The following ADCY10 variants were observed in gnomAD, a reference collection of about 807,000 sequenced individuals.
ADCY10 encodes adenylate cyclase 10.
In ADCY10, 156 loss-of-function variants were observed where a neutral mutation model predicts 183.3. That is an observed-to-expected ratio of 0.85 (90% CI 0.75 to 0.97). The LOEUF (loss-of-function observed/expected upper bound fraction) is 0.97, where lower values mean the gene tolerates loss of function less well. Among genes scored for constraint, ADCY10 ranks in the 50% least tolerant of loss-of-function variants. ADCY10 has a pLI of 0.00. For missense variants in ADCY10, 1,745 were observed against 1,934.3 expected, an observed-to-expected ratio of 0.90 and a Z score of 1.84; for synonymous variants, 645 against 670.0, an observed-to-expected ratio of 0.96 and a Z score of 0.58.
intron 30 of ADCY10, chr1:167,821,035 AC>A (rs1052868378): frequency 2.0e-5 from 3 of 152,220 alleles, no homozygotes; most frequent in African/African-American, 7.2e-5. Context: ...TAGTCTCATC[AC>A]AAACCTCTGA....
At chr1:167,856,768 T>C (rs1220599148) in intron 16 of ADCY10, among the ~76,000 whole-genome samples, 1 of 152,162 alleles carries the variant, frequency 6.6e-6, no homozygotes, top group Non-Finnish European at 1.5e-5. Flanking sequence ...AATAACTGGT[T>C]TGTTAATTAT....
chr1:167,829,142 C>G (rs1472170072), intron 26 of ADCY10, 125 bp downstream of exon 26: 1 of 1,153,826 alleles, frequency 8.7e-7, no homozygotes, highest in Non-Finnish European at 1.3e-6. Context: ...CTTGTCAAAA[C>G]AAGCCAATCA....
intron 9 of ADCY10, among the ~76,000 whole-genome samples, chr1:167,883,132 G>T (rs1363816208): frequency 1.3e-5 from 2 of 152,220 alleles, no homozygotes; most frequent in Non-Finnish European, 2.9e-5. Flanking sequence ...CCGCCTCTCA[G>T]GTTCAAGCCA....
In ADCY10 at chr1:167,836,466, T is replaced by A. The variant is rs375504301; in HGVS notation, c.3152A>T (p.Asp1051Val). 177 of 1,614,076 alleles carry A rather than the reference T, an allele frequency of 1.1e-4. No individual in the cohort carries two copies. The highest frequency in any genetic ancestry group is 1.4e-4 in the Non-Finnish European group (165 of 1,180,004). The change falls in exon 23 of 33, where the codon GAC (aspartate) becomes GTC (valine). Residue 1051 changes from aspartate to valine, a missense_variant. Coordinates refer to ENST00000367851, the MANE Select transcript of ADCY10 (RefSeq NM_018417.6). ...CTGGCAAGATTCCAGAGGGATAATG[T>A]CTTCGTCAGATGTCTTCATTTTTGT... ...VLTKMKTSDE[D>V]IIPLESCQCE...
At position 167,863,278 on chromosome 1, in the gene ADCY10, ATTGTATGGAAGGG is replaced by A. The variant is rs1666420280; in HGVS notation, c.1617-2228_1617-2216del. On this transcript the variant is annotated intron_variant, in intron 14 of 32. Transcript: ENST00000367851. ...CTGTTGTTATCTATAGATTCCAGAC[ATTGTATGGAAGGG>A]CATTGTATGGAAGGACATTGTGAAA... is the stretch of plus-strand genomic sequence containing the variant. Among the ~76,000 whole-genome samples the A allele has an allele frequency of 3.9e-5, 6 of 152,166 alleles. No homozygotes were observed. The South Asian group carries it at 6.2e-4, about 16-fold the overall frequency.
chr1:167,820,161 C>T, intron 30 of ADCY10: 1 of 1,544,602 alleles, frequency 6.5e-7, no homozygotes, highest in South Asian at 1.2e-5. Context: ...TCCTGCCCCG[C>T]AGATTCCCCG....
At position 167,835,543 on chromosome 1, in the gene ADCY10, C is replaced by A. The variant is rs149906231; in HGVS notation, c.3309+766G>T. ...TAATGGTATGTGTAATAATCTAGCA[C>A]ACATTGCATGATGACAAAGGCAGGG... On this transcript the variant is annotated intron_variant, in intron 23 of 32. Transcript: ENST00000367851. Among the ~76,000 whole-genome samples the A allele has an allele frequency of 3.7e-3, 557 of 152,268 alleles. 6 individuals are homozygous for A. The highest frequency in any genetic ancestry group is 0.013 in the African/African-American group (526 of 41,554).
At chr1:167,820,955 G>A (rs1260934159) in intron 30 of ADCY10, 1 of 152,186 alleles carries the variant, frequency 6.6e-6, no homozygotes, top group Non-Finnish European at 1.5e-5. Flanking sequence ...GGAAGGGGTG[G>A]ATTTCTATTC....
intron 9 of ADCY10, among the ~76,000 whole-genome samples, chr1:167,882,486 A>T (rs1318813940): frequency 1.7e-5 from 2 of 120,386 alleles, no homozygotes; most frequent in Non-Finnish European, 3.5e-5. Flanking sequence ...TTCCGTCTCA[A>T]AAAAAAAAAA....
At chr1:167,900,681 C>T (rs199512764) in intron 5 of ADCY10, among the ~76,000 whole-genome samples, 3 of 152,022 alleles carry the variant, frequency 2.0e-5, no homozygotes, top group East Asian at 1.9e-4. Flanking sequence ...TACAGGCACC[C>T]GCCATCACGC....
At chr1:167,858,811 A>G (rs1043088771) in intron 16 of ADCY10, among the ~76,000 whole-genome samples, 1 of 152,226 alleles carries the variant, frequency 6.6e-6, no homozygotes, top group Non-Finnish European at 1.5e-5. Context: ...TGTGATTTGC[A>G]TATACTCTGA....
rs180922775 is a variant in ADCY10, at chr1:167,812,492, A to G, written c.4483-1579T>C. ...GGCATAGAGACAGCCTACAACAATAAAAAACAAAAACAACAACAAAACCCA... is the reference window on the plus strand; with the variant it reads ...GGCATAGAGACAGCCTACAACAATAGAAAACAAAAACAACAACAAAACCCA... On this transcript the variant is annotated intron_variant, in intron 31 of 32. Transcript: ENST00000367851. Among the ~76,000 whole-genome samples, 387 of 152,336 alleles carry G rather than the reference A, an allele frequency of 2.5e-3. 2 individuals carry two copies. Among genetic ancestry groups the G allele is most frequent in the African/African-American group, 8.7e-3 (363 of 41,580 alleles).
chr1:167,897,997 C>CAAAAAAAAAAAAA (rs1163013935), intron 6 of ADCY10, among the ~76,000 whole-genome samples: 1 of 17,390 alleles, frequency 5.8e-5, no homozygotes, highest in East Asian at 3.6e-3. Flanking sequence ...GACTCTGTCT[C>CAAAAAAAAAAAAA]AAAAAAAAAA....
Position 167,876,401 on chromosome 1 carries a change from T to C in ADCY10, c.1407-1215A>G, listed in dbSNP as rs149317066. On this transcript the variant is annotated intron_variant, in intron 12 of 32. Transcript: ENST00000367851. ...ATCCAAACATAGGCCAGGGTGCATATGTTTGCTCACTCCATAACACTATCT... is the reference window on the plus strand; with the variant it reads ...ATCCAAACATAGGCCAGGGTGCATACGTTTGCTCACTCCATAACACTATCT... Among the ~76,000 whole-genome samples the C allele has an allele frequency of 8.2e-3, 1,249 of 152,222 alleles. 18 individuals carry two copies. Among genetic ancestry groups the C allele is most frequent in the African/African-American group, 0.028 (1,179 of 41,532 alleles).
intron 22 of ADCY10, chr1:167,837,012 G>A (rs531065670): frequency 7.4e-5 from 36 of 487,116 alleles, no homozygotes; most frequent in East Asian, 3.2e-4. Flanking sequence ...GTGACAGAGC[G>A]AGACTCCATC....
chr1:167,854,625 G>A (rs886511824), intron 17 of ADCY10, 136 bp from the exon 18 acceptor site: 3 of 1,099,812 alleles, frequency 2.7e-6, no homozygotes, highest in African/African-American at 1.6e-5. Context: ...CAGTTTTGAG[G>A]CATTGCTTTG....
At chr1:167,855,132 C>T (rs1256619006) in intron 17 of ADCY10, among the ~76,000 whole-genome samples, 2 of 152,052 alleles carry the variant, frequency 1.3e-5, no homozygotes, top group Non-Finnish European at 2.9e-5. Flanking sequence ...ACCAGCCTGA[C>T]CAATATGGAG....
intron 30 of ADCY10, among the ~76,000 whole-genome samples, chr1:167,819,598 T>C (rs1445771675): frequency 1.3e-5 from 2 of 152,124 alleles, no homozygotes; most frequent in Admixed American, 6.5e-5. Flanking sequence ...GTTTTGCTCT[T>C]GTTGCCCAGG....
chr1:167,910,561 A>G (rs1228925258), intron 1 of ADCY10, among the ~76,000 whole-genome samples: 1 of 152,168 alleles, frequency 6.6e-6, no homozygotes, highest in African/African-American at 2.4e-5. Flanking sequence ...CTTCTCCTTG[A>G]GGTAGAAATT....
Sources: gnomAD v4.1 joint callset for allele counts (sites outside exome capture counted in the v4.1 genomes callset) on GRCh38, gnomAD v4.1.1 for gene constraint, MANE v1.5 for transcripts, NCBI Gene and HGNC (gene_info 2026-07-23, HGNC 2026-07-21) for gene names.